The following ARL8B variants were observed in gnomAD, a reference collection of about 807,000 sequenced individuals.
The protein encoded by ARL8B is ARF like GTPase 8B, also known as ADP-ribosylation factor-like protein 8B.
In ARL8B, 9 loss-of-function variants were observed where a neutral mutation model predicts 30.6. That is an observed-to-expected ratio of 0.29 (90% confidence interval 0.18 to 0.51). The LOEUF is 0.51. Among genes scored for constraint, ARL8B ranks in the 20% least tolerant of loss-of-function variants. ARL8B has a pLI of 0.97. For synonymous variants in ARL8B, 74 were observed against 76.0 expected (o/e 0.97, Z 0.14); for missense variants, 130 against 227.2 (o/e 0.57, Z 2.75).
intron 1 of ARL8B, among the ~76,000 whole-genome samples, chr3:5,128,938 G>C (rs1409897687): frequency 6.6e-6 from 1 of 152,122 alleles, no homozygotes; most frequent in Non-Finnish European, 1.5e-5. Flanking sequence ...TGTCTTCATA[G>C]TTTATTCCAT....
At chr3:5,130,375 A>G (rs894208138) in intron 1 of ARL8B, among the ~76,000 whole-genome samples, 2 of 152,014 alleles carry the variant, frequency 1.3e-5, no homozygotes, top group African/African-American at 2.4e-5. Flanking sequence ...CCATGTAAAT[A>G]TAAATACAGC....
At chr3:5,173,559 A>AC (rs1424882632) in intron 4 of ARL8B, among the ~76,000 whole-genome samples, 1 of 151,914 alleles carries the variant, frequency 6.6e-6, no homozygotes, top group African/African-American at 2.4e-5. Context: ...ACGCGGTGAA[A>AC]CCCCGTCTCT....
chr3:5,122,746 A>C (rs974852656), intron 1 of ARL8B, among the ~76,000 whole-genome samples, 158 bp downstream of exon 1: 1 of 152,152 alleles, frequency 6.6e-6, no homozygotes, highest in African/African-American at 2.4e-5. Context: ...CAGCATTTGG[A>C]ATTTCCCGCG....
intron 1 of ARL8B, among the ~76,000 whole-genome samples, chr3:5,133,351 C>T (rs1483066522): frequency 6.6e-6 from 1 of 152,076 alleles, no homozygotes; most frequent in Non-Finnish European, 1.5e-5. Context: ...AATATAGAGA[C>T]CATCCGCAAG....
At chr3:5,151,681 G>A (rs1301344099) in intron 1 of ARL8B, among the ~76,000 whole-genome samples, 1 of 151,680 alleles carries the variant, frequency 6.6e-6, no homozygotes. Context: ...ATTTTTGTAT[G>A]ACTTGAATCC....
chr3:5,149,054 C>A (rs536244876), intron 1 of ARL8B, among the ~76,000 whole-genome samples: 1 of 152,190 alleles, frequency 6.6e-6, no homozygotes. Flanking sequence ...CTGTTTGCGT[C>A]GCAGGAGAAC....
chr3:5,122,411 C>G lies in ARL8B; in HGVS notation c.-55C>G. The G allele has an allele frequency of 6.2e-7, 1 of 1,607,680 alleles. No individual in the cohort carries two copies. The highest frequency in any genetic ancestry group is 8.5e-7 in the Non-Finnish European group (1 of 1,178,082). On this transcript the variant is annotated 5_prime_UTR_variant, in exon 1 of 7. Coordinates refer to ENST00000256496, the MANE Select transcript of ARL8B (RefSeq NM_018184.3). Reference sequence around the variant, plus strand: ...GGCGGAGGCCCGCTCGTGTGGAAGTCGTCGACGCCGCCGCTCGTCCGTCCT... The same window carrying G: ...GGCGGAGGCCCGCTCGTGTGGAAGTGGTCGACGCCGCCGCTCGTCCGTCCT...
At chr3:5,154,748 T>C (rs1450862357) in intron 1 of ARL8B, among the ~76,000 whole-genome samples, 2 of 152,142 alleles carry the variant, frequency 1.3e-5, no homozygotes, top group African/African-American at 4.8e-5. Flanking sequence ...TCTTGCTCTG[T>C]TGCCCGGGCT....
At position 5,168,403 on chromosome 3, in the gene ARL8B, A is replaced by G. The variant is rs1002851534; in HGVS notation, c.124-2100A>G. On this transcript the variant is annotated intron_variant, in intron 1 of 6. Coordinates refer to ENST00000256496, the MANE Select transcript of ARL8B (RefSeq NM_018184.3). The stretch of plus-strand genomic sequence containing the variant: ...CTCTTAGTTTGTTCAACAAATATTT[A>G]TTGAATATCTTGCTCTACTCAAGAA... Among the ~76,000 whole-genome samples, 4 of 152,268 alleles carry G rather than the reference A, an allele frequency of 2.6e-5. No homozygotes were observed. The South Asian group carries it at 6.2e-4, about 24-fold the overall frequency.
intron 1 of ARL8B, among the ~76,000 whole-genome samples, chr3:5,155,183 A>G (rs2106564207): frequency 6.6e-6 from 1 of 152,276 alleles, no homozygotes. Context: ...TGAAAATAGG[A>G]TTCTCGGTTA....
intron 1 of ARL8B, among the ~76,000 whole-genome samples, chr3:5,127,698 C>T (rs981733143): frequency 2.0e-5 from 3 of 151,662 alleles, no homozygotes; most frequent in African/African-American, 7.3e-5. Flanking sequence ...GCGGTGAAAC[C>T]CCGTCTCTAC....
chr3:5,145,833 C>G (rs2054414153), intron 1 of ARL8B, among the ~76,000 whole-genome samples: 2 of 151,972 alleles, frequency 1.3e-5, no homozygotes, highest in Admixed American at 6.6e-5. Flanking sequence ...GTAGACCCCT[C>G]TATTCCTGAT....
intron 1 of ARL8B, among the ~76,000 whole-genome samples, chr3:5,131,995 G>C (rs1390907626): frequency 6.6e-6 from 1 of 152,162 alleles, no homozygotes; most frequent in South Asian, 2.1e-4. Context: ...GCAGTCCTCT[G>C]CCTCAGCTTC....
chr3:5,172,916 T>G (rs1329051059), intron 4 of ARL8B, among the ~76,000 whole-genome samples, 176 bp downstream of exon 4: 1 of 152,198 alleles, frequency 6.6e-6, no homozygotes, highest in Non-Finnish European at 1.5e-5. Context: ...AATATGAATC[T>G]CATAACCACG....
rs138317347 is a variant in ARL8B, at chr3:5,141,676, G to C, written c.123+19088G>C. Among the ~76,000 whole-genome samples, 1,362 of 152,214 alleles carry C rather than the reference G, an allele frequency of 8.9e-3. 17 individuals carry two copies. The highest frequency in any genetic ancestry group is 0.031 in the African/African-American group (1,279 of 41,526). On this transcript the variant is annotated intron_variant, in intron 1 of 6. Coordinates refer to ENST00000256496, the MANE Select transcript of ARL8B (RefSeq NM_018184.3). ...AGTTGTCAGTCCTTGTAAAGCTTTT[G>C]TGATGGTCCCATCTGGGGCAGTATT... is the stretch of plus-strand genomic sequence containing the variant.
At chr3:5,127,189 G>C (rs114671241) in intron 1 of ARL8B, among the ~76,000 whole-genome samples, 1 of 152,180 alleles carries the variant, frequency 6.6e-6, no homozygotes, top group Non-Finnish European at 1.5e-5. Context: ...AGCAGATCCA[G>C]TGAGGTTAAG....
At chr3:5,155,580 A>G (rs1262464862) in intron 1 of ARL8B, among the ~76,000 whole-genome samples, 2 of 149,440 alleles carry the variant, frequency 1.3e-5, no homozygotes, top group African/African-American at 4.9e-5. Context: ...GGCTCTGTTC[A>G]CTTTTCTTCA....
chr3:5,130,354 T>C (rs1213337130), intron 1 of ARL8B, among the ~76,000 whole-genome samples: 1 of 151,624 alleles, frequency 6.6e-6, no homozygotes, highest in African/African-American at 2.4e-5. Context: ...TTGTTGAGCT[T>C]CCCAGGCAAG....
At position 5,122,516 on chromosome 3, in the gene ARL8B, G is replaced by A; in HGVS notation, c.51G>A (p.Trp17Ter). ...TGGACTGGTTCCGTTCGCTCTTCTG[G>A]AAGGAAGAGATGGAGCTGACGCTCG... is the stretch of plus-strand genomic sequence containing the variant. Reference protein sequence around the residue: ...RLLDWFRSLFWKEEMELTLVG... With the variant: ...RLLDWFRSLF The change falls in exon 1 of 7, where the codon TGG becomes TGA. Residue 17 changes from tryptophan to a stop codon, truncating the protein, a stop_gained. Transcript: ENST00000256496. LOFTEE classifies it high-confidence loss of function. 1 of 1,613,656 alleles carries A rather than the reference G, an allele frequency of 6.2e-7. No individual in the cohort carries two copies. Among genetic ancestry groups the A allele is most frequent in the Non-Finnish European group, 8.5e-7 (1 of 1,179,776 alleles).
Sources: gnomAD v4.1 joint callset for allele counts (sites outside exome capture counted in the v4.1 genomes callset) on GRCh38, gnomAD v4.1.1 for gene constraint, MANE v1.5 for transcripts, NCBI Gene and HGNC (gene_info 2026-07-23, HGNC 2026-07-21) for gene names.